The following TEC variants were observed in gnomAD, a reference collection of about 807,000 sequenced individuals.
The protein encoded by TEC is tyrosine-protein kinase Tec.
TEC carries 72 observed loss-of-function variants against 93.0 expected under a neutral mutation model. The ratio of observed to expected loss-of-function variants is 0.77; its 90% CI spans 0.64 to 0.94. TEC has a LOEUF of 0.94. TEC is among the 40% of genes least tolerant of loss of function. TEC has a pLI of 0.00. For synonymous variants in TEC, 249 were observed against 247.7 expected (o/e 1.01, Z -0.05); for missense variants, 630 against 757.9 (o/e 0.83, Z 1.98).
intron 2 of TEC, among the ~76,000 whole-genome samples, chr4:48,215,292 A>T (rs537992752): frequency 6.6e-6 from 1 of 152,256 alleles, no homozygotes; most frequent in African/African-American, 2.4e-5. Flanking sequence ...GGATCATTTG[A>T]TGTCAGGAGT....
At chr4:48,211,698 A>G (rs1367084104) in intron 2 of TEC, among the ~76,000 whole-genome samples, 1 of 152,218 alleles carries the variant, frequency 6.6e-6, no homozygotes, top group African/African-American at 2.4e-5. Flanking sequence ...AGTTTTCTTT[A>G]AGAAGAATCA....
At chr4:48,231,765 A>AG (rs1321406293) in intron 1 of TEC, among the ~76,000 whole-genome samples, 20 of 152,128 alleles carry the variant, frequency 1.3e-4, no homozygotes, top group Non-Finnish European at 2.2e-4. Context: ...TGAAAAAAAA[A>AG]CAACAAAGAA....
At chr4:48,152,375 T>C (rs559997425) in intron 9 of TEC, among the ~76,000 whole-genome samples, 2 of 151,680 alleles carry the variant, frequency 1.3e-5, no homozygotes, top group Non-Finnish European at 2.9e-5. Context: ...GAGGTGGAGG[T>C]TGCAGTAAGC....
chr4:48,142,335 G>A (rs552755368), intron 14 of TEC, among the ~76,000 whole-genome samples: 3 of 152,278 alleles, frequency 2.0e-5, no homozygotes, highest in East Asian at 1.9e-4. Context: ...TTAGCCAAGT[G>A]TGGTGGCACA....
At position 48,138,753 on chromosome 4, in the gene TEC, A is replaced by T; in HGVS notation, c.1724T>A (p.Val575Glu). Residue 575 changes from valine (V) to glutamate (E), a missense_variant, in exon 17 of 18, where the codon GTA becomes GAA. Val to Glu is a moderately radical substitution (Grantham distance 121). Around this residue, in one of 3 missense-constraint regions of TEC, gnomAD observed 289 missense variants for 390.0 expected, o/e 0.74. Coordinates refer to ENST00000381501, the MANE Select transcript of TEC (RefSeq NM_003215.3). ...TCGGTGGCCTCGAGTAACCATGGTTACCACTTCATAATTGGTGTATTTTTC... is the reference window on the plus strand; with the variant it reads ...TCGGTGGCCTCGAGTAACCATGGTTTCCACTTCATAATTGGTGTATTTTTC... ...PFEKYTNYEVVTMVTRGHRLY... is the reference protein window; with the variant it reads ...PFEKYTNYEVETMVTRGHRLY... 1.2e-6 allele frequency: 2 copies of T among 1,614,196 alleles called. No individual in the cohort carries two copies. The highest frequency in any genetic ancestry group is 1.7e-6 in the Non-Finnish European group (2 of 1,180,008).
intron 2 of TEC, among the ~76,000 whole-genome samples, chr4:48,220,933 G>T (rs1577650650): frequency 6.6e-6 from 1 of 152,170 alleles, no homozygotes; most frequent in African/African-American, 2.4e-5. Flanking sequence ...TGCTTCAGAT[G>T]TCAATCACAA....
chr4:48,165,007 T>G (rs976352453), intron 7 of TEC, among the ~76,000 whole-genome samples: 10 of 151,372 alleles, frequency 6.6e-5, no homozygotes, highest in Non-Finnish European at 1.5e-4. Context: ...CGAGACTCCA[T>G]CTCAAAAAAA....
chr4:48,137,377 T>C lies in TEC; in HGVS notation c.*39A>G, dbSNP rs1175558216. ...AAAGCCACAAAATGCCCATCCTTCCTTGTGCTTGGGAATCTGGGAGCCACT... is the reference window on the plus strand; with the variant it reads ...AAAGCCACAAAATGCCCATCCTTCCCTGTGCTTGGGAATCTGGGAGCCACT... On this transcript the variant is annotated 3_prime_UTR_variant, in exon 18 of 18. Transcript: ENST00000381501. 1.9e-6 allele frequency: 3 copies of C among 1,551,088 alleles called. No individual in the cohort carries two copies. Among genetic ancestry groups the C allele is most frequent in the Non-Finnish European group, 2.7e-6 (3 of 1,126,454 alleles).
chr4:48,189,658 G>A (rs185442961), intron 2 of TEC, among the ~76,000 whole-genome samples: 6 of 152,280 alleles, frequency 3.9e-5, no homozygotes, highest in Admixed American at 3.3e-4. Flanking sequence ...GTTGGCATTT[G>A]GGATCTGAAT....
intron 1 of TEC, among the ~76,000 whole-genome samples, chr4:48,260,270 C>T (rs1724465341): frequency 6.6e-6 from 1 of 152,108 alleles, no homozygotes; most frequent in South Asian, 2.1e-4. Flanking sequence ...ATTTTATGAC[C>T]TTCTAAAACT....
rs748536244 is a variant in TEC, at chr4:48,137,484, G to T, written c.1828C>A (p.Pro610Thr). 1 of 1,613,998 alleles carries T rather than the reference G, an allele frequency of 6.2e-7. No homozygotes were observed. The highest frequency in any genetic ancestry group is 8.5e-7 in the Non-Finnish European group (1 of 1,179,962). The change falls in exon 18 of 18, where the codon CCT becomes ACT. Residue 610 changes from proline to threonine, a missense_variant. Pro to Thr is a conservative substitution (Grantham distance 38). This residue lies in a region of TEC where 289 missense variants were observed against 390.0 expected (regional missense o/e 0.74). Coordinates refer to ENST00000381501, the MANE Select transcript of TEC (RefSeq NM_003215.3). Reference protein sequence around the residue: ...RCWQEKPEGRPSFEDLLRTID... With the variant: ...RCWQEKPEGRTSFEDLLRTID... ...GTGCGCAGCAGATCTTCGAAAGAAG[G>T]CCTTCCCTCTGGTTTCTACAATTAA... is the stretch of plus-strand genomic sequence containing the variant.
chr4:48,246,336 A>T (rs1280258232), intron 1 of TEC, among the ~76,000 whole-genome samples: 2 of 152,218 alleles, frequency 1.3e-5, no homozygotes, highest in Non-Finnish European at 2.9e-5. Context: ...ATATTGTTAA[A>T]ATGGCAATGC....
rs1388197653 is a variant in TEC, at chr4:48,228,593, C to T, written c.22G>A (p.Glu8Lys). Residue 8 changes from glutamate to lysine, a missense_variant, in exon 2 of 18, where the codon GAG becomes AAG. By Grantham distance (56) the Glu-to-Lys change is moderately conservative. Transcript: ENST00000381501. MNFNTIL[E>K]EILIKRSQQK... The stretch of plus-strand genomic sequence containing the variant: ...TGTGACCTTTTAATAAGAATCTCCT[C>T]CAAAATAGTGTTAAAATTCATCTCC... 6.2e-7 allele frequency: 1 copy of T among 1,613,520 alleles called. No homozygotes were observed. The highest frequency in any genetic ancestry group is 1.1e-5 in the South Asian group (1 of 90,952).
chr4:48,149,101 T>G (rs1387224088), intron 11 of TEC, among the ~76,000 whole-genome samples: 1 of 152,214 alleles, frequency 6.6e-6, no homozygotes, highest in Admixed American at 6.5e-5. Context: ...TAATTCCATG[T>G]CTTTGCTATT....
At chr4:48,229,340 C>G (rs1723579529) in intron 1 of TEC, among the ~76,000 whole-genome samples, 1 of 152,226 alleles carries the variant, frequency 6.6e-6, no homozygotes, top group Non-Finnish European at 1.5e-5. Context: ...CCCTTTAACT[C>G]CAGACTATTC....
At chr4:48,233,512 G>A (rs1723700469) in intron 1 of TEC, among the ~76,000 whole-genome samples, 1 of 148,958 alleles carries the variant, frequency 6.7e-6, no homozygotes, top group African/African-American at 2.5e-5. Context: ...TCTGATAAAT[G>A]AGAGAAAGCC....
At chr4:48,185,139 A>C (rs934109457) in intron 2 of TEC, among the ~76,000 whole-genome samples, 1 of 152,238 alleles carries the variant, frequency 6.6e-6, no homozygotes, top group African/African-American at 2.4e-5. Context: ...TCATATTTAC[A>C]ATGAAAGTTC....
chr4:48,262,221 G>T (rs1324218999), intron 1 of TEC, among the ~76,000 whole-genome samples: 1 of 2,874 alleles, frequency 3.5e-4, no homozygotes, highest in African/African-American at 3.6e-4. Flanking sequence ...TTTTGAGACG[G>T]AGTCTTGCTC....
chr4:48,266,118 G>A (rs1724632992), intron 1 of TEC, among the ~76,000 whole-genome samples: 1 of 152,244 alleles, frequency 6.6e-6, no homozygotes, highest in East Asian at 1.9e-4. Flanking sequence ...TCTACACTCA[G>A]TCAAACTATC....
Sources: allele counts gnomAD v4.1 joint callset (sites outside exome capture counted in the v4.1 genomes callset), GRCh38; gene constraint gnomAD v4.1.1; regional missense constraint gnomAD v4.1.1; transcripts MANE v1.5; gene names NCBI Gene and HGNC (gene_info 2026-07-23, HGNC 2026-07-21).